ANAPC5: variants seen among roughly 807,000 people sequenced by gnomAD.
The protein encoded by ANAPC5 is anaphase-promoting complex subunit 5.
Under a neutral mutation model 91.3 loss-of-function variants are expected in ANAPC5, and 60 were observed. The ratio of observed to expected loss-of-function variants is 0.66; its 90% CI spans 0.53 to 0.81. The LOEUF (loss-of-function observed/expected upper bound fraction) is 0.81, where lower values mean the gene tolerates loss of function less well. ANAPC5 is among the 40% of genes least tolerant of loss of function. The pLI is 0.00. For missense variants in ANAPC5, 690 were observed against 931.5 expected, an observed-to-expected ratio of 0.74 and a Z score of 3.37; for synonymous variants, 340 against 364.1, an observed-to-expected ratio of 0.93 and a Z score of 0.75.
intron 1 of ANAPC5, among the ~76,000 whole-genome samples, chr12:121,348,418 A>C (rs1460478509): frequency 2.0e-5 from 3 of 152,198 alleles, no homozygotes; most frequent in Non-Finnish European, 4.4e-5. Context: ...TAATCCCAAC[A>C]TTTTGGGAGG....
At chr12:121,331,533 G>T in intron 7 of ANAPC5, 105 bp from the exon 8 acceptor site, 1 of 900,086 alleles carries the variant, frequency 1.1e-6, no homozygotes. Context: ...CAGGTCTCTG[G>T]GTTGGAAGCT....
chr12:121,352,354 T>G lies in ANAPC5; in HGVS notation c.-14A>C. 6.3e-7 allele frequency: 1 copy of G among 1,586,014 alleles called. No individual in the cohort carries two copies. The highest frequency in any genetic ancestry group is 8.6e-7 in the Non-Finnish European group (1 of 1,162,204). ...GACGCTGGCCATGGCGGCCCGAGAC[T>G]AAGTCTCGGGCCCGCGGCGCGCTGC... On this transcript the variant is annotated 5_prime_UTR_variant, in exon 1 of 17. Transcript: ENST00000261819.
intron 1 of ANAPC5, among the ~76,000 whole-genome samples, chr12:121,350,350 A>G (rs956522813): frequency 6.6e-6 from 1 of 152,242 alleles, no homozygotes; most frequent in South Asian, 2.1e-4. Flanking sequence ...CTCAACAGAC[A>G]ATGCTTATCC....
At chr12:121,325,179 C>T (rs10744759) in intron 11 of ANAPC5, among the ~76,000 whole-genome samples, 129,916 of 152,152 alleles carry the variant, frequency 0.85, 57,590 homozygotes, top group East Asian at 0.99. Context: ...AAATTAAAAA[C>T]TGGCTGGGCG....
At chr12:121,328,176 A>G in intron 10 of ANAPC5, 140 bp downstream of exon 10, 1 of 745,556 alleles carries the variant, frequency 1.3e-6, no homozygotes, top group Non-Finnish European at 2.1e-6. Context: ...AATGTTTTAT[A>G]GTCTAAAACA....
intron 9 of ANAPC5, 36 bp from the exon 10 acceptor site, chr12:121,328,533 G>A (rs201855949): frequency 1.3e-6 from 2 of 1,590,958 alleles, no homozygotes; most frequent in East Asian, 2.2e-5. Context: ...CCAAGATAGA[G>A]ATTACATGAC....
intron 4 of ANAPC5, among the ~76,000 whole-genome samples, chr12:121,344,581 CAAAA>C (rs58016198): frequency 2.2e-4 from 18 of 81,850 alleles, no homozygotes; most frequent in African/African-American, 7.9e-4. Context: ...GACTTGATCT[CAAAA>C]AAAAAAAAAA....
chr12:121,311,303 AT>A (rs2136752357), intron 15 of ANAPC5, among the ~76,000 whole-genome samples: 1 of 152,340 alleles, frequency 6.6e-6, no homozygotes, highest in Non-Finnish European at 1.5e-5. Context: ...AAGTAAAAGG[AT>A]AGAAAAATAT....
At chr12:121,351,184 A>C in intron 1 of ANAPC5, 1 of 396,680 alleles carries the variant, frequency 2.5e-6, no homozygotes, top group South Asian at 1.7e-5. Flanking sequence ...CAGCCTGGGT[A>C]ACATGGCAAA....
At chr12:121,319,610 TA>T (rs2136766549) in intron 13 of ANAPC5, 86 bp downstream of exon 13, 2 of 1,372,300 alleles carry the variant, frequency 1.5e-6, no homozygotes, top group East Asian at 2.6e-5. Flanking sequence ...TTTTCTAAGC[TA>T]AAATAAATTA....
intron 15 of ANAPC5, among the ~76,000 whole-genome samples, chr12:121,311,816 G>C (rs1198555097): frequency 1.3e-5 from 2 of 152,168 alleles, no homozygotes; most frequent in Non-Finnish European, 2.9e-5. Flanking sequence ...CTGGGCAACA[G>C]AGTGAGACTC....
At chr12:121,323,453 T>C (rs1218054628) in intron 11 of ANAPC5, among the ~76,000 whole-genome samples, 2 of 152,114 alleles carry the variant, frequency 1.3e-5, no homozygotes, top group African/African-American at 4.8e-5. Flanking sequence ...GCCTCCCTAG[T>C]AGCTGGAACT....
intron 5 of ANAPC5, among the ~76,000 whole-genome samples, chr12:121,340,329 A>AG (rs1903397835): frequency 6.6e-6 from 1 of 151,454 alleles, no homozygotes; most frequent in African/African-American, 2.4e-5. Flanking sequence ...AAAAAAAAAA[A>AG]AAACCAACAA....
At chr12:121,351,906 G>C (rs989031225) in intron 1 of ANAPC5, among the ~76,000 whole-genome samples, 29 of 151,468 alleles carry the variant, frequency 1.9e-4, no homozygotes, top group African/African-American at 7.1e-4. Context: ...ATAAATACTG[G>C]AGCCAGACAT....
At chr12:121,352,718 T>TGGTGGAGG (rs1555275623), upstream of ANAPC5, among the ~76,000 whole-genome samples, 1 of 102,348 alleles carries the variant, frequency 9.8e-6, no homozygotes, top group Admixed American at 1.2e-4. Context: ...GTTGTTGTTG[T>TGGTGGAGG]TGGTGGTGGT....
At chr12:121,352,790 G>A (rs1555275653), upstream of ANAPC5, among the ~76,000 whole-genome samples, 1 of 147,556 alleles carries the variant, frequency 6.8e-6, no homozygotes, top group African/African-American at 2.5e-5. Context: ...AGACTGGAGG[G>A]CAGTGGTTAT....
intron 5 of ANAPC5, among the ~76,000 whole-genome samples, chr12:121,340,629 C>T (rs945362626): frequency 4.6e-5 from 7 of 151,684 alleles, no homozygotes; most frequent in East Asian, 3.9e-4. Flanking sequence ...CTCCGCTCAC[C>T]GCAACCTCCA....
At chr12:121,348,011 C>T (rs1903738457) in intron 1 of ANAPC5, 130 bp from the exon 2 acceptor site, 2 of 653,218 alleles carry the variant, frequency 3.1e-6, no homozygotes, top group East Asian at 5.5e-5. Context: ...AAGGATTTTT[C>T]TATCTACCTA....
intron 13 of ANAPC5, among the ~76,000 whole-genome samples, chr12:121,319,007 G>A (rs961039307): frequency 2.6e-5 from 4 of 151,658 alleles, no homozygotes; most frequent in Non-Finnish European, 4.4e-5. Context: ...GCGACAGAGT[G>A]AGACTCTGCC....
Sources: allele counts gnomAD v4.1 joint callset (sites outside exome capture counted in the v4.1 genomes callset), GRCh38; gene constraint gnomAD v4.1.1; transcripts MANE v1.5; gene names NCBI Gene and HGNC (gene_info 2026-07-23, HGNC 2026-07-21).